The following AK9 variants were observed in gnomAD, a reference collection of about 807,000 sequenced individuals.
AK9 encodes adenylate kinase domain containing 1.
A neutral mutation model predicts 239.6 loss-of-function variants in AK9; 191 were observed. That is an observed-to-expected ratio of 0.80 (90% CI 0.71 to 0.90). The LOEUF (loss-of-function observed/expected upper bound fraction) is 0.90, where lower values mean the gene tolerates loss of function less well. Ranked by LOEUF, AK9 falls within the 40% of genes least tolerant of loss-of-function variation. The pLI, the probability that AK9 is intolerant of heterozygous loss-of-function variation, is 0.00. For synonymous variants in AK9, 689 were observed against 721.0 expected (o/e 0.96, Z 0.71); for missense variants, 1,995 against 2,214.7 (o/e 0.90, Z 1.99).
At chr6:109,500,032 G>GACACAC (rs1385241254) in intron 35 of AK9, among the ~76,000 whole-genome samples, 2 of 76,386 alleles carry the variant, frequency 2.6e-5, no homozygotes, top group African/African-American at 1.0e-4. Context: ...CTATATATAT[G>GACACAC]ATACACACAC....
At chr6:109,606,480 T>A (rs1792899956) in intron 17 of AK9, among the ~76,000 whole-genome samples, 1 of 152,140 alleles carries the variant, frequency 6.6e-6, no homozygotes, top group East Asian at 1.9e-4. Context: ...GCAAATCATG[T>A]TAATGACACA....
chr6:109,504,041 G>A (rs1033828542), intron 35 of AK9, among the ~76,000 whole-genome samples: 1 of 152,170 alleles, frequency 6.6e-6, no homozygotes, highest in Non-Finnish European at 1.5e-5. Context: ...TGTATCTCCT[G>A]ATTAGAGTTG....
intron 24 of AK9, among the ~76,000 whole-genome samples, chr6:109,554,713 G>C (rs1784773457): frequency 1.3e-5 from 2 of 151,794 alleles, no homozygotes; most frequent in African/African-American, 4.8e-5. Context: ...TGTATTTTTA[G>C]TACAGACAGG....
chr6:109,541,601 A>G (rs1228075561), intron 27 of AK9, among the ~76,000 whole-genome samples: 1 of 152,062 alleles, frequency 6.6e-6, no homozygotes, highest in East Asian at 1.9e-4. Context: ...GTAGAGACAG[A>G]GTTTCTCCAT....
intron 19 of AK9, among the ~76,000 whole-genome samples, chr6:109,582,173 T>G (rs1176704557): frequency 6.6e-6 from 1 of 152,208 alleles, no homozygotes; most frequent in Non-Finnish European, 1.5e-5. Flanking sequence ...GGAGAATGAA[T>G]GTTTTCATGC....
intron 5 of AK9, among the ~76,000 whole-genome samples, chr6:109,667,487 T>C (rs1201054742): frequency 4.6e-5 from 7 of 152,158 alleles, no homozygotes; most frequent in South Asian, 4.1e-4. Context: ...TGTGCCATGT[T>C]GGTGTGCTGC....
intron 13 of AK9, among the ~76,000 whole-genome samples, chr6:109,618,825 G>A (rs551040208): frequency 2.1e-5 from 3 of 146,180 alleles, no homozygotes; most frequent in East Asian, 4.1e-4. Flanking sequence ...TGATCAAACA[G>A]TCTGCCCAGT....
intron 15 of AK9, among the ~76,000 whole-genome samples, chr6:109,612,688 C>T (rs59618833): frequency 0.021 from 3,171 of 152,014 alleles, 100 homozygotes; most frequent in African/African-American, 0.073. Context: ...GAGTGCCATA[C>T]GTGAGTTTCT....
At chr6:109,680,139 A>G (rs1772396131) in intron 1 of AK9, among the ~76,000 whole-genome samples, 1 of 152,172 alleles carries the variant, frequency 6.6e-6, no homozygotes, top group South Asian at 2.1e-4. Context: ...CAGAAGGTGG[A>G]TAATAACAAA....
intron 26 of AK9, 77 bp downstream of exon 26, chr6:109,545,790 G>C (rs1783475245): frequency 6.7e-7 from 1 of 1,499,206 alleles, no homozygotes; most frequent in Non-Finnish European, 8.9e-7. Flanking sequence ...GTGACAGATG[G>C]AGACCCTGTC....
Position 109,573,521 on chromosome 6 carries a change from C to A in AK9, c.2265G>T (p.Glu755Asp). The change falls in exon 21 of 41, where the codon GAG becomes GAT. Residue 755 changes from glutamate (E) to aspartate (D), a missense_variant. By Grantham distance (45) the Glu-to-Asp change is conservative. Transcript: ENST00000424296. ...ATGACCCTCGGGTATCGTGAGATGC[C>A]TCAGGCTCTTCGTGAACTTCCAACT... is the stretch of plus-strand genomic sequence containing the variant. ...GDELEVHEEPEASHDTRGSWL... is the reference protein window; with the variant it reads ...GDELEVHEEPDASHDTRGSWL... The A allele has an allele frequency of 6.4e-7, 1 of 1,551,332 alleles. No homozygotes were observed.
At chr6:109,533,989 T>C (rs1781620769) in intron 27 of AK9, among the ~76,000 whole-genome samples, 1 of 152,064 alleles carries the variant, frequency 6.6e-6, no homozygotes, top group Non-Finnish European at 1.5e-5. Flanking sequence ...AGCCCTCACC[T>C]TTGGCAGTTT....
intron 17 of AK9, among the ~76,000 whole-genome samples, chr6:109,599,207 G>C (rs1222698089): frequency 1.3e-5 from 2 of 152,084 alleles, no homozygotes; most frequent in East Asian, 3.9e-4. Flanking sequence ...TATGGTTTTA[G>C]GTCTAACATT....
At chr6:109,685,229 G>T (rs1283210429) in intron 1 of AK9, among the ~76,000 whole-genome samples, 1 of 152,036 alleles carries the variant, frequency 6.6e-6, no homozygotes, top group Non-Finnish European at 1.5e-5. Flanking sequence ...TCATTACTGG[G>T]TATATACCCA....
At chr6:109,644,837 A>G (rs1797844802) in intron 8 of AK9, 149 bp from the exon 9 acceptor site, 1 of 569,762 alleles carries the variant, frequency 1.8e-6, no homozygotes, top group Non-Finnish European at 2.8e-6. Context: ...AATGCTCAAG[A>G]GATCTTTTGC....
chr6:109,687,066 C>A (rs530342201), intron 1 of AK9, among the ~76,000 whole-genome samples: 7 of 152,300 alleles, frequency 4.6e-5, no homozygotes, highest in African/African-American at 1.7e-4. Context: ...GGATGAATCA[C>A]AATATACTGG....
At chr6:109,656,211 G>A (rs902856078) in intron 8 of AK9, among the ~76,000 whole-genome samples, 15 of 152,024 alleles carry the variant, frequency 9.9e-5, no homozygotes, top group Non-Finnish European at 1.5e-4. Context: ...TACGCTTTTC[G>A]CTACTTGTAA....
chr6:109,499,273 A>G (rs751182803), intron 35 of AK9, 33 bp from the exon 36 acceptor site: 18 of 1,368,380 alleles, frequency 1.3e-5, no homozygotes, highest in Non-Finnish European at 1.7e-5. Context: ...TATCATGTAT[A>G]TATTTTTCAT....
At chr6:109,529,967 A>G (rs1348509763) in intron 28 of AK9, among the ~76,000 whole-genome samples, 1 of 151,984 alleles carries the variant, frequency 6.6e-6, no homozygotes, top group South Asian at 2.1e-4. Context: ...AGGGTTGGGA[A>G]CCCCTGGCCT....
Sources: allele counts gnomAD v4.1 joint callset (sites outside exome capture counted in the v4.1 genomes callset), GRCh38; gene constraint gnomAD v4.1.1; transcripts MANE v1.5; gene names NCBI Gene and HGNC (gene_info 2026-07-23, HGNC 2026-07-21).